Variants in KCNIP4 observed in about 807,000 individuals in gnomAD.
The protein encoded by KCNIP4 is potassium voltage-gated channel interacting protein 4.
A neutral mutation model predicts 34.0 loss-of-function variants in KCNIP4; 12 were observed. The ratio of observed to expected loss-of-function variants is 0.35; its 90% CI spans 0.23 to 0.57. The LOEUF is 0.57. Ranked by LOEUF, KCNIP4 falls within the 20% of genes least tolerant of loss-of-function variation. KCNIP4 has a pLI of 0.83. For missense variants in KCNIP4, 238 were observed against 311.7 expected (o/e 0.76, Z 1.78); for synonymous variants, 124 against 102.2 (o/e 1.21, Z -1.29).
intron 1 of KCNIP4, among the ~76,000 whole-genome samples, chr4:21,473,084 T>C (rs1730601475): frequency 6.6e-6 from 1 of 152,312 alleles, no homozygotes; most frequent in Middle Eastern, 3.4e-3. Flanking sequence ...TCTGACATGA[T>C]GATTGGCAAC....
At chr4:21,207,167 T>G (rs1343033105) in intron 1 of KCNIP4, among the ~76,000 whole-genome samples, 1 of 152,190 alleles carries the variant, frequency 6.6e-6, no homozygotes, top group Admixed American at 6.6e-5. Flanking sequence ...GTTTCTGAAT[T>G]TTGGTACTAG....
At chr4:21,102,001 GC>G (rs1291695637) in intron 1 of KCNIP4, among the ~76,000 whole-genome samples, 1 of 152,082 alleles carries the variant, frequency 6.6e-6, no homozygotes, top group African/African-American at 2.4e-5. Flanking sequence ...GGGTCAGGAG[GC>G]CCAAGTGTAC....
intron 1 of KCNIP4, among the ~76,000 whole-genome samples, chr4:21,681,278 T>TA (rs1028721047): frequency 6.6e-6 from 1 of 151,966 alleles, no homozygotes; most frequent in African/African-American, 2.4e-5. Context: ...TTTTAATTTT[T>TA]TTTTTTTTTT....
At chr4:20,860,063 GAAAT>G (rs372352518) in intron 2 of KCNIP4, among the ~76,000 whole-genome samples, 244 of 152,206 alleles carry the variant, frequency 1.6e-3, no homozygotes, top group African/African-American at 5.6e-3. Flanking sequence ...AAGAGAATGT[GAAAT>G]AAATAACTAC....
chr4:21,341,820 G>A (rs773567669), intron 1 of KCNIP4, among the ~76,000 whole-genome samples: 1 of 151,984 alleles, frequency 6.6e-6, no homozygotes, highest in Non-Finnish European at 1.5e-5. Flanking sequence ...AGTTTTGATG[G>A]CCCCAAATCC....
intron 1 of KCNIP4, among the ~76,000 whole-genome samples, chr4:21,716,618 G>T (rs115349031): frequency 0.016 from 2,413 of 152,254 alleles, 42 homozygotes; most frequent in Non-Finnish European, 0.022. Context: ...ACTGGGTAAA[G>T]TTAGAAAGCT....
intron 1 of KCNIP4, among the ~76,000 whole-genome samples, chr4:21,131,164 A>G (rs28461521): frequency 6.6e-6 from 1 of 152,170 alleles, no homozygotes; most frequent in Non-Finnish European, 1.5e-5. Context: ...ATCAATGTCC[A>G]TCAGCAGCAA....
At chr4:20,964,315 T>C (rs2149665398) in intron 1 of KCNIP4, among the ~76,000 whole-genome samples, 1 of 152,274 alleles carries the variant, frequency 6.6e-6, no homozygotes, top group Non-Finnish European at 1.5e-5. Context: ...CACCTGACCA[T>C]AGTATCCAAT....
chr4:21,453,646 T>C (rs937006314), intron 1 of KCNIP4, among the ~76,000 whole-genome samples: 1 of 152,006 alleles, frequency 6.6e-6, no homozygotes, highest in African/African-American at 2.4e-5. Context: ...ACATGACACA[T>C]GTGAGGGCAC....
chr4:21,388,654 A>G (rs1722258657), intron 1 of KCNIP4, among the ~76,000 whole-genome samples: 1 of 152,084 alleles, frequency 6.6e-6, no homozygotes, highest in South Asian at 2.1e-4. Flanking sequence ...CTATCCTTTT[A>G]GCTATTACCC....
chr4:21,374,411 C>A (rs1720780490), intron 1 of KCNIP4, among the ~76,000 whole-genome samples: 1 of 146,948 alleles, frequency 6.8e-6, no homozygotes, highest in African/African-American at 2.7e-5. Context: ...TCTAGTGAGA[C>A]ATATTCACTA....
chr4:21,324,815 T>C (rs1044411512), intron 1 of KCNIP4, among the ~76,000 whole-genome samples: 3 of 151,920 alleles, frequency 2.0e-5, no homozygotes, highest in African/African-American at 7.2e-5. Context: ...GTTATTTTGA[T>C]AGGAATTGCA....
chr4:21,214,472 C>T (rs1049901123), intron 1 of KCNIP4, among the ~76,000 whole-genome samples: 1 of 152,086 alleles, frequency 6.6e-6, no homozygotes, highest in Non-Finnish European at 1.5e-5. Context: ...TTTTTACTAC[C>T]TAAAATAAAG....
At chr4:21,900,582 T>C (rs929268494) in intron 1 of KCNIP4, among the ~76,000 whole-genome samples, 2 of 152,200 alleles carry the variant, frequency 1.3e-5, no homozygotes, top group African/African-American at 2.4e-5. Context: ...CCATATTTAG[T>C]GGATTAACTG....
chr4:20,922,902 T>C (rs1017996574), intron 1 of KCNIP4, among the ~76,000 whole-genome samples: 1 of 152,176 alleles, frequency 6.6e-6, no homozygotes, highest in Admixed American at 6.5e-5. Flanking sequence ...TCCCCTCCAC[T>C]GTCTCTAAAA....
intron 1 of KCNIP4, among the ~76,000 whole-genome samples, chr4:20,897,013 T>C (rs1398663055): frequency 6.6e-6 from 1 of 152,124 alleles, no homozygotes; most frequent in African/African-American, 2.4e-5. Context: ...AGTGGATTTC[T>C]ACTTGTGTGA....
At chr4:21,323,285 C>G (rs1714694250) in intron 1 of KCNIP4, among the ~76,000 whole-genome samples, 1 of 151,730 alleles carries the variant, frequency 6.6e-6, no homozygotes, top group Non-Finnish European at 1.5e-5. Flanking sequence ...CAATTATGCT[C>G]TTAGTCATTT....
At chr4:20,920,542 G>A (rs556185439) in intron 1 of KCNIP4, among the ~76,000 whole-genome samples, 1 of 152,202 alleles carries the variant, frequency 6.6e-6, no homozygotes, top group East Asian at 1.9e-4. Context: ...GGTAACTGGG[G>A]CAAAAGATAC....
intron 1 of KCNIP4, among the ~76,000 whole-genome samples, chr4:21,183,739 C>T (rs547362929): frequency 1.2e-3 from 176 of 152,130 alleles, no homozygotes; most frequent in Admixed American, 2.4e-3. Flanking sequence ...AGGTCTTATC[C>T]TTCTGCTCCT....
Sources: allele counts gnomAD v4.1 joint callset (sites outside exome capture counted in the v4.1 genomes callset), GRCh38; gene constraint gnomAD v4.1.1; transcripts MANE v1.5; gene names NCBI Gene and HGNC (gene_info 2026-07-23, HGNC 2026-07-21).